Variants in MSRA observed in about 807,000 individuals in gnomAD.
MSRA encodes the protein mitochondrial peptide methionine sulfoxide reductase.
Under a neutral mutation model 31.3 loss-of-function variants are expected in MSRA, and 54 were observed. That is an observed-to-expected ratio of 1.73 (90% CI 1.39 to 2.17). The LOEUF (loss-of-function observed/expected upper bound fraction) is 2.17, where lower values mean the gene tolerates loss of function less well. MSRA is among the 30% of genes most tolerant of loss of function. MSRA has a pLI of 0.00. For missense variants in MSRA, 507 were observed against 300.9 expected (o/e 1.69, Z -5.07); for synonymous variants, 169 against 116.5 (o/e 1.45, Z -2.90).
chr8:10,204,560 G>A (rs1008187106), intron 1 of MSRA, among the ~76,000 whole-genome samples: 2 of 152,148 alleles, frequency 1.3e-5, no homozygotes, highest in African/African-American at 4.8e-5. Context: ...ATAGCCTAGG[G>A]GCAATAGACT....
intron 5 of MSRA, among the ~76,000 whole-genome samples, chr8:10,389,852 C>G (rs1398542932): frequency 6.7e-6 from 1 of 149,084 alleles, no homozygotes; most frequent in Non-Finnish European, 1.5e-5. Context: ...TTGTATACAA[C>G]CACACACTGT....
intron 5 of MSRA, among the ~76,000 whole-genome samples, chr8:10,406,706 TC>T (rs1242148071): frequency 1.3e-5 from 2 of 152,192 alleles, no homozygotes; most frequent in Non-Finnish European, 2.9e-5. Context: ...AAGCCATATC[TC>T]CCCTGCTCTG....
At chr8:10,162,108 G>A (rs1452688057) in intron 1 of MSRA, among the ~76,000 whole-genome samples, 1 of 152,188 alleles carries the variant, frequency 6.6e-6, no homozygotes, top group Non-Finnish European at 1.5e-5. Context: ...GAGGTGATTA[G>A]AGAGAATAAA....
chr8:10,143,602 C>A (rs1336747490), intron 1 of MSRA, among the ~76,000 whole-genome samples: 1 of 152,126 alleles, frequency 6.6e-6, no homozygotes, highest in South Asian at 2.1e-4. Flanking sequence ...CTGTCATTTT[C>A]CCCGTTACCA....
intron 3 of MSRA, among the ~76,000 whole-genome samples, chr8:10,279,065 T>A (rs952949715): frequency 2.6e-5 from 4 of 152,232 alleles, no homozygotes; most frequent in African/African-American, 9.6e-5. Context: ...CTGGGCATCA[T>A]GCAGTTGTTT....
At chr8:10,326,430 G>C (rs2129141467) in intron 5 of MSRA, 1 of 152,324 alleles carries the variant, frequency 6.6e-6, no homozygotes, top group East Asian at 1.9e-4. Context: ...GACTGTCAGA[G>C]TTTTGGCTGA....
At chr8:10,074,546 T>C (rs1797905033) in intron 1 of MSRA, among the ~76,000 whole-genome samples, 2 of 152,348 alleles carry the variant, frequency 1.3e-5, no homozygotes, top group Middle Eastern at 3.4e-3. Context: ...TGATTATTAA[T>C]TGATAGAGAT....
intron 1 of MSRA, among the ~76,000 whole-genome samples, chr8:10,065,837 G>A (rs1797428257): frequency 6.6e-6 from 1 of 152,086 alleles, no homozygotes; most frequent in South Asian, 2.1e-4. Context: ...GAACACAGTC[G>A]CCCTGCTATC....
At chr8:10,295,553 C>T (rs1444602526) in intron 3 of MSRA, among the ~76,000 whole-genome samples, 2 of 152,186 alleles carry the variant, frequency 1.3e-5, no homozygotes, top group East Asian at 3.9e-4. Flanking sequence ...CGGCTCTGCT[C>T]GGCCTCCCTC....
chr8:10,277,557 G>A (rs1317850199), intron 3 of MSRA, among the ~76,000 whole-genome samples: 1 of 152,142 alleles, frequency 6.6e-6, no homozygotes, highest in Non-Finnish European at 1.5e-5. Flanking sequence ...CAATACAGTC[G>A]TCTTGCTTTT....
At chr8:10,409,035 G>T (rs1807995837) in intron 5 of MSRA, among the ~76,000 whole-genome samples, 1 of 152,218 alleles carries the variant, frequency 6.6e-6, no homozygotes, top group Non-Finnish European at 1.5e-5. Flanking sequence ...ACATCTGAGT[G>T]CAGGTGTCTT....
chr8:10,330,792 TG>T (rs150110199), intron 5 of MSRA, among the ~76,000 whole-genome samples: 12,798 of 152,284 alleles, frequency 0.084, 578 homozygotes, highest in South Asian at 0.15. Context: ...AACAAATATC[TG>T]TTGACCTGAA....
chr8:10,167,892 G>T (rs972117432), intron 1 of MSRA, among the ~76,000 whole-genome samples: 3 of 152,142 alleles, frequency 2.0e-5, no homozygotes, highest in African/African-American at 7.2e-5. Context: ...GCCCTAGAAG[G>T]CCCTATACCC....
chr8:10,106,136 C>T (rs4841281), intron 1 of MSRA, among the ~76,000 whole-genome samples: 138,210 of 152,266 alleles, frequency 0.91, 62,886 homozygotes, highest in East Asian at 0.97. Flanking sequence ...TGGGCAGATA[C>T]TAACAGCTGA....
intron 1 of MSRA, among the ~76,000 whole-genome samples, chr8:10,138,539 T>C (rs1343139427): frequency 6.6e-6 from 1 of 152,226 alleles, no homozygotes; most frequent in Non-Finnish European, 1.5e-5. Flanking sequence ...TTCTCAAATA[T>C]GTCAGTCTTT....
At chr8:10,150,933 C>A (rs1803609423) in intron 1 of MSRA, among the ~76,000 whole-genome samples, 1 of 151,992 alleles carries the variant, frequency 6.6e-6, no homozygotes, top group Non-Finnish European at 1.5e-5. Flanking sequence ...GTGGACAGAC[C>A]CGTGTCGCTC....
At chr8:10,086,346 C>A (rs1353916256) in intron 1 of MSRA, among the ~76,000 whole-genome samples, 1 of 152,172 alleles carries the variant, frequency 6.6e-6, no homozygotes, top group African/African-American at 2.4e-5. Flanking sequence ...GAGAAAAAGT[C>A]AAGAATTCTG....
intron 5 of MSRA, among the ~76,000 whole-genome samples, chr8:10,427,213 G>C (rs562242600): frequency 1.3e-5 from 2 of 152,194 alleles, no homozygotes; most frequent in African/African-American, 4.8e-5. Flanking sequence ...CAGTGAGAGT[G>C]GGTTGAGCCT....
intron 1 of MSRA, among the ~76,000 whole-genome samples, chr8:10,091,807 A>C (rs1001295031): frequency 6.6e-6 from 1 of 152,062 alleles, no homozygotes; most frequent in Non-Finnish European, 1.5e-5. Flanking sequence ...GGATTTTGCC[A>C]TGTTGGCCAG....
Sources: allele counts gnomAD v4.1 joint callset (sites outside exome capture counted in the v4.1 genomes callset), GRCh38; gene constraint gnomAD v4.1.1; transcripts MANE v1.5; gene names NCBI Gene and HGNC (gene_info 2026-07-23, HGNC 2026-07-21).